TMX2: variants seen among roughly 807,000 people sequenced by gnomAD.
TMX2 encodes the protein thioredoxin related transmembrane protein 2.
In TMX2, 20 loss-of-function variants were observed where a neutral mutation model predicts 33.4. The ratio of observed to expected loss-of-function variants is 0.60; its 90% CI spans 0.42 to 0.87. The LOEUF (loss-of-function observed/expected upper bound fraction) is 0.87, where lower values mean the gene tolerates loss of function less well. Among genes scored for constraint, TMX2 ranks in the 40% least tolerant of loss-of-function variants. The probability of loss-of-function intolerance (pLI) is 0.00; values close to 1 mark genes in which losing one functional copy is unlikely to be tolerated. For missense variants in TMX2, 340 were observed against 370.7 expected (o/e 0.92, Z 0.68); for synonymous variants, 166 against 140.7 (o/e 1.18, Z -1.27).
intron 1 of TMX2, among the ~76,000 whole-genome samples, chr11:57,725,257 G>A (rs1401151074): frequency 3.3e-5 from 5 of 152,054 alleles, no homozygotes; most frequent in African/African-American, 1.2e-4. Flanking sequence ...ATCTCTCCCT[G>A]TTTTACTTCC....
intron 1 of TMX2, among the ~76,000 whole-genome samples, chr11:57,735,231 C>G (rs1448263332): frequency 6.6e-6 from 1 of 150,426 alleles, no homozygotes; most frequent in Non-Finnish European, 1.5e-5. Flanking sequence ...TTTTTTGAGA[C>G]GTTGTTTCAC....
intron 1 of TMX2, among the ~76,000 whole-genome samples, chr11:57,714,862 G>A (rs915774003): frequency 6.6e-6 from 1 of 152,022 alleles, no homozygotes; most frequent in African/African-American, 2.4e-5. Flanking sequence ...CTAAGGAGCT[G>A]GGATTTACAG....
In TMX2 at chr11:57,739,218, G is replaced by C; in HGVS notation, c.702G>C (p.Gln234His). The C allele has an allele frequency of 1.2e-6, 2 of 1,614,134 alleles. No homozygotes were observed. Among genetic ancestry groups the C allele is most frequent in the Non-Finnish European group, 1.7e-6 (2 of 1,180,030 alleles). Reference sequence around the variant, plus strand: ...GCAAGGAGGCAATGCGGCGGCCACAGATTGACAAGAAAGGACGGGCTGTCT... The same window carrying C: ...GCAAGGAGGCAATGCGGCGGCCACACATTGACAAGAAAGGACGGGCTGTCT... Reference protein sequence around the residue: ...QGGKEAMRRPQIDKKGRAVSW... With the variant: ...QGGKEAMRRPHIDKKGRAVSW... Residue 234 changes from glutamine to histidine, a missense_variant, in exon 7 of 8, where the codon CAG becomes CAC. Gln to His is a conservative substitution (Grantham distance 24, BLOSUM62 0). This residue lies in a region of TMX2 where 209 missense variants were observed against 241.6 expected (regional missense o/e 0.87). Transcript: ENST00000278422.
chr11:57,724,304 C>T (rs1947831453), intron 1 of TMX2, among the ~76,000 whole-genome samples: 1 of 152,072 alleles, frequency 6.6e-6, no homozygotes, highest in Non-Finnish European at 1.5e-5. Flanking sequence ...AAGGGAACTG[C>T]CCAACTCTCC....
chr11:57,734,411 G>A lies in TMX2; in HGVS notation c.190-3197G>A, dbSNP rs1433685971. On this transcript the variant is annotated intron_variant, in intron 1 of 7. Transcript: ENST00000278422. ...TTTCTGTCCTTAGAGAATTTCTTTTGGTCCTACCTTTGGTCCCCTGGTTAA... is the reference window on the plus strand; with the variant it reads ...TTTCTGTCCTTAGAGAATTTCTTTTAGTCCTACCTTTGGTCCCCTGGTTAA... 2.6e-5 allele frequency among the ~76,000 whole-genome samples: 4 copies of A among 152,148 alleles called. No individual in the cohort carries two copies. In the East Asian group the frequency reaches 7.7e-4, roughly 29 times the overall value.
At chr11:57,723,361 T>C (rs957610167) in intron 1 of TMX2, among the ~76,000 whole-genome samples, 2 of 151,730 alleles carry the variant, frequency 1.3e-5, no homozygotes, top group Admixed American at 6.6e-5. Flanking sequence ...TATGCACCTG[T>C]AATCCCAGCT....
intron 1 of TMX2, among the ~76,000 whole-genome samples, chr11:57,734,884 C>G (rs1389946025): frequency 6.6e-6 from 1 of 151,144 alleles, no homozygotes; most frequent in Non-Finnish European, 1.5e-5. Flanking sequence ...GCCTGTAATC[C>G]CAGCACTTTG....
chr11:57,731,125 G>GTTT lies in TMX2; in HGVS notation c.190-6457_190-6455dup, dbSNP rs757832822. On this transcript the variant is annotated intron_variant, in intron 1 of 7. Transcript: ENST00000278422. ...CCACTCTTTCCGTTTTTTGTTTTTT[G>GTTT]TTTTTTTTTTTTTTTTTTTTTTTTT... Among the ~76,000 whole-genome samples, 22 of 85,834 alleles carry GTTT rather than the reference G, an allele frequency of 2.6e-4. 1 individual carries two copies. Among genetic ancestry groups the GTTT allele is most frequent in the East Asian group, 1.2e-3 (3 of 2,404 alleles). The allele number at this position is 85,834 out of a possible 152,430, so 56.3% of individuals were successfully genotyped here. A position where few individuals can be genotyped will look rare whatever the true frequency, so the allele number is the denominator to read the frequency against.
intron 7 of TMX2, 82 bp from the exon 8 acceptor site, chr11:57,740,015 CTT>C (rs1948993945): frequency 1.1e-5 from 18 of 1,588,772 alleles, no homozygotes; most frequent in Non-Finnish European, 1.4e-5. Flanking sequence ...CTTTCCCAGA[CTT>C]TGTGTAAAAT....
At chr11:57,720,205 A>G (rs1947521988) in intron 1 of TMX2, among the ~76,000 whole-genome samples, 1 of 151,458 alleles carries the variant, frequency 6.6e-6, no homozygotes, top group South Asian at 2.1e-4. Flanking sequence ...ATAGAGCCCC[A>G]AAAGTCACTA....
intron 1 of TMX2, among the ~76,000 whole-genome samples, chr11:57,726,790 G>T (rs1002661661): frequency 2.6e-5 from 4 of 152,328 alleles, no homozygotes; most frequent in African/African-American, 9.6e-5. Context: ...CCCTCAGGAT[G>T]CTATACCTAT....
Position 57,737,937 on chromosome 11 carries a change from A to G in TMX2, c.275A>G (p.Asn92Ser). ...GTCACTGTGGAGCAACATATAGGCAACATTTTCATGTTTAGTAAAGTGGCC... is the reference window on the plus strand; with the variant it reads ...GTCACTGTGGAGCAACATATAGGCAGCATTTTCATGTTTAGTAAAGTGGCC... Reference protein sequence around the residue: ...RSITVEQHIGNIFMFSKVANT... With the variant: ...RSITVEQHIGSIFMFSKVANT... The change falls in exon 3 of 8, where the codon AAC becomes AGC. Residue 92 changes from asparagine to serine, a missense_variant. Asn to Ser is a conservative substitution (Grantham distance 46). This residue lies in a region of TMX2 where 25 missense variants were observed against 46.5 expected (regional missense o/e 0.54). Coordinates refer to ENST00000278422, the MANE Select transcript of TMX2 (RefSeq NM_015959.4). The G allele has an allele frequency of 6.2e-7, 1 of 1,614,154 alleles. No individual in the cohort carries two copies. Among genetic ancestry groups the G allele is most frequent in the South Asian group, 1.1e-5 (1 of 91,080 alleles).
chr11:57,735,923 C>A (rs1948727376), intron 1 of TMX2, among the ~76,000 whole-genome samples: 1 of 152,130 alleles, frequency 6.6e-6, no homozygotes, highest in Non-Finnish European at 1.5e-5. Context: ...GTTGTTTTGT[C>A]CTAACTGCAA....
chr11:57,728,999 T>G (rs1021177577), intron 1 of TMX2, among the ~76,000 whole-genome samples: 2 of 151,924 alleles, frequency 1.3e-5, no homozygotes, highest in African/African-American at 4.8e-5. Context: ...GAGAGACACT[T>G]AAGAGGGCAG....
chr11:57,734,720 C>T (rs1948633530), intron 1 of TMX2, among the ~76,000 whole-genome samples: 1 of 151,750 alleles, frequency 6.6e-6, no homozygotes, highest in Non-Finnish European at 1.5e-5. Context: ...TGCACTCCAG[C>T]CTGGGCGACA....
At chr11:57,717,977 C>T in intron 1 of TMX2, 1 of 739,426 alleles carries the variant, frequency 1.4e-6, no homozygotes, top group Non-Finnish European at 2.4e-6. Context: ...TAGAGGGGTG[C>T]TCTCCTGAGA....
chr11:57,724,278 G>A (rs537228159), intron 1 of TMX2, among the ~76,000 whole-genome samples: 12 of 152,174 alleles, frequency 7.9e-5, no homozygotes, highest in African/African-American at 2.9e-4. Context: ...CCATTATAAG[G>A]TCTCTTTGCC....
At chr11:57,729,980 C>T (rs1183780716) in intron 1 of TMX2, among the ~76,000 whole-genome samples, 1 of 150,508 alleles carries the variant, frequency 6.6e-6, no homozygotes, top group Non-Finnish European at 1.5e-5. Context: ...TGGTGGCATG[C>T]ACTGTAGTCC....
intron 1 of TMX2, among the ~76,000 whole-genome samples, chr11:57,728,903 A>C (rs1471630397): frequency 6.6e-6 from 1 of 152,060 alleles, no homozygotes; most frequent in Non-Finnish European, 1.5e-5. Flanking sequence ...AAAACAATTA[A>C]TTTAAAAAAT....
Sources: allele counts gnomAD v4.1 joint callset (sites outside exome capture counted in the v4.1 genomes callset), GRCh38; gene constraint gnomAD v4.1.1; regional missense constraint gnomAD v4.1.1; transcripts MANE v1.5; gene names NCBI Gene and HGNC (gene_info 2026-07-23, HGNC 2026-07-21).